Variants in COMMD1 observed in about 807,000 individuals in gnomAD.
COMMD1 encodes the protein COMM domain-containing protein 1.
Under a neutral mutation model 17.2 loss-of-function variants are expected in COMMD1, and 10 were observed. The ratio of observed to expected loss-of-function variants is 0.58; its 90% confidence interval spans 0.36 to 0.99. COMMD1 has a LOEUF of 0.99. Ranked by LOEUF, COMMD1 falls within the 50% of genes least tolerant of loss-of-function variation. The pLI is 0.01. For synonymous variants in COMMD1, 97 were observed against 91.6 expected (o/e 1.06, Z -0.34); for missense variants, 270 against 231.8 (o/e 1.17, Z -1.07).
intron 2 of COMMD1, among the ~76,000 whole-genome samples, chr2:62,043,291 T>C (rs1670290828): frequency 6.6e-6 from 1 of 152,256 alleles, no homozygotes; most frequent in African/African-American, 2.4e-5. Context: ...CTTTAAAATA[T>C]CAGACTTGAG....
intron 2 of COMMD1, among the ~76,000 whole-genome samples, chr2:62,094,582 A>AT (rs1262548763): frequency 2.0e-5 from 3 of 152,228 alleles, no homozygotes. Flanking sequence ...AAGAAAAAAA[A>AT]TCCACAGCAT....
intron 2 of COMMD1, among the ~76,000 whole-genome samples, chr2:62,085,754 C>A (rs1462787316): frequency 2.7e-5 from 4 of 150,474 alleles, no homozygotes; most frequent in African/African-American, 9.8e-5. Flanking sequence ...CCGAGGCGGG[C>A]AGATCACGAG....
intron 2 of COMMD1, among the ~76,000 whole-genome samples, chr2:62,003,863 C>T (rs963897639): frequency 1.3e-5 from 2 of 152,076 alleles, no homozygotes; most frequent in East Asian, 1.9e-4. Context: ...ACAGGTTGCT[C>T]GCTTCTGTAA....
At chr2:61,977,758 A>G (rs142864772) in intron 1 of COMMD1, among the ~76,000 whole-genome samples, 17,534 of 151,840 alleles carry the variant, frequency 0.12, 2,430 homozygotes, top group African/African-American at 0.33. Context: ...AGGCCGAGAC[A>G]GGCCGATCAC....
chr2:62,040,122 A>G (rs551881432), intron 2 of COMMD1, among the ~76,000 whole-genome samples: 154 of 152,254 alleles, frequency 1.0e-3, no homozygotes, highest in Non-Finnish European at 1.9e-3. Flanking sequence ...GCATGGTGGC[A>G]TGTACCTGTA....
At position 62,000,222 on chromosome 2, in the gene COMMD1, C is replaced by T. The variant is rs1170042942; in HGVS notation, c.181-479C>T. ...TACAGGTGTGAGCCACTGTACCTGG[C>T]CTCTTTACTGTCCCTTGATGACCTT... On this transcript the variant is annotated intron_variant, in intron 1 of 2. Transcript: ENST00000311832. Among the ~76,000 whole-genome samples the T allele has an allele frequency of 2.0e-5, 3 of 151,156 alleles. No individual in the cohort carries two copies. In the East Asian group the frequency reaches 5.9e-4, roughly 30 times the overall value.
At chr2:62,131,861 TACACACACACACACACAAACAC>T (rs1239382597) in intron 2 of COMMD1, among the ~76,000 whole-genome samples, 1 of 143,882 alleles carries the variant, frequency 7.0e-6, no homozygotes, top group Admixed American at 7.0e-5. Context: ...CATTTCTAAA[TACACACACACACACACAAACAC>T]ACACACACAC....
intron 2 of COMMD1, among the ~76,000 whole-genome samples, chr2:62,074,571 G>A (rs943294926): frequency 1.1e-4 from 17 of 152,220 alleles, no homozygotes; most frequent in African/African-American, 4.1e-4. Flanking sequence ...TCTGAACCCA[G>A]GAGGCTAAAC....
At position 62,041,895 on chromosome 2, in the gene COMMD1, A is replaced by C. The variant is rs192152708; in HGVS notation, c.462+40913A>C. ...GCTCATAAAGGCGATGCAGACCCAAAGAGTGAGCAGCAGCAAGATTTATTG... is the reference window on the plus strand; with the variant it reads ...GCTCATAAAGGCGATGCAGACCCAACGAGTGAGCAGCAGCAAGATTTATTG... On this transcript the variant is annotated intron_variant, in intron 2 of 2. Coordinates refer to ENST00000311832, the MANE Select transcript of COMMD1 (RefSeq NM_152516.4). Among the ~76,000 whole-genome samples the C allele has an allele frequency of 5.3e-5, 8 of 152,336 alleles. No individual in the cohort carries two copies. In the East Asian group the frequency reaches 1.5e-3, roughly 29 times the overall value.
intron 1 of COMMD1, among the ~76,000 whole-genome samples, chr2:61,989,901 A>G (rs1244519681): frequency 2.0e-5 from 3 of 152,198 alleles, no homozygotes; most frequent in Non-Finnish European, 4.4e-5. Context: ...GGAGCAAGAT[A>G]TAGGCCTGGC....
At chr2:61,968,247 C>T (rs905852748) in intron 1 of COMMD1, among the ~76,000 whole-genome samples, 3 of 152,002 alleles carry the variant, frequency 2.0e-5, no homozygotes, top group Non-Finnish European at 4.4e-5. Flanking sequence ...TAAGGTTGAA[C>T]CATTTGAAAT....
At chr2:62,018,392 A>G (rs1573076496) in intron 2 of COMMD1, among the ~76,000 whole-genome samples, 1 of 152,204 alleles carries the variant, frequency 6.6e-6, no homozygotes, top group South Asian at 2.1e-4. Context: ...GTTACTAACT[A>G]AACTCCAGAT....
intron 2 of COMMD1, among the ~76,000 whole-genome samples, chr2:62,081,628 G>C (rs1020809648): frequency 1.2e-4 from 18 of 152,052 alleles, no homozygotes; most frequent in Admixed American, 1.1e-3. Flanking sequence ...GGTTGAGTCT[G>C]TTGTCATGTC....
chr2:61,975,538 G>A (rs1671778228), intron 1 of COMMD1, among the ~76,000 whole-genome samples: 1 of 151,978 alleles, frequency 6.6e-6, no homozygotes, highest in African/African-American at 2.4e-5. Context: ...ATTTGGTGTT[G>A]CTTTTTCTGC....
chr2:61,972,251 A>C (rs1671669494), intron 1 of COMMD1, among the ~76,000 whole-genome samples: 1 of 152,214 alleles, frequency 6.6e-6, no homozygotes, highest in Non-Finnish European at 1.5e-5. Flanking sequence ...ATGAAAAATG[A>C]AGAAAATAAA....
chr2:62,016,012 A>G (rs1669434331), intron 2 of COMMD1, among the ~76,000 whole-genome samples: 1 of 151,630 alleles, frequency 6.6e-6, no homozygotes, highest in South Asian at 2.1e-4. Context: ...TTGTATTTTT[A>G]GTAGAGACAG....
intron 2 of COMMD1, chr2:62,100,124 A>AG (rs1672136435): frequency 6.6e-6 from 1 of 152,102 alleles, no homozygotes; most frequent in South Asian, 2.1e-4. Context: ...GAAAAAAAAA[A>AG]CAGCTCAGAA....
chr2:61,908,259 G>C (rs955470119), intron 1 of COMMD1, among the ~76,000 whole-genome samples: 1 of 140,324 alleles, frequency 7.1e-6, no homozygotes, highest in South Asian at 2.2e-4. Flanking sequence ...ACGGAGTCTC[G>C]TTCTGTTGCC....
At chr2:61,983,156 G>C (rs1351949653) in intron 1 of COMMD1, among the ~76,000 whole-genome samples, 2 of 151,146 alleles carry the variant, frequency 1.3e-5, no homozygotes, top group African/African-American at 4.9e-5. Context: ...GAGGTCCTGG[G>C]CTCTTCTTTG....
Sources: allele counts gnomAD v4.1 joint callset (sites outside exome capture counted in the v4.1 genomes callset), GRCh38; gene constraint gnomAD v4.1.1; transcripts MANE v1.5; gene names NCBI Gene and HGNC (gene_info 2026-07-23, HGNC 2026-07-21).